Variants in ACTR3C observed in about 807,000 individuals in gnomAD.
The protein encoded by ACTR3C is actin-related protein 3C.
Under a neutral mutation model 26.3 loss-of-function variants are expected in ACTR3C, and 18 were observed. The observed-to-expected ratio is 0.68, with a 90% CI of 0.47 to 1.01. ACTR3C has a LOEUF of 1.01. Among genes scored for constraint, ACTR3C ranks in the 50% least tolerant of loss-of-function variants. The pLI is 0.00. For missense variants in ACTR3C, 184 were observed against 250.7 expected (o/e 0.73, Z 1.80); for synonymous variants, 55 against 94.5 (o/e 0.58, Z 2.42).
chr7:150,315,925 C>T (rs947588668), intron 1 of ACTR3C, among the ~76,000 whole-genome samples: 1 of 152,072 alleles, frequency 6.6e-6, no homozygotes, highest in African/African-American at 2.4e-5. Context: ...AGGCCGGCCG[C>T]GGTGGCTCAC....
chr7:150,033,260 G>A, the ACTR3C span, among the ~76,000 whole-genome samples: 138 of 147,996 alleles, frequency 9.3e-4, no homozygotes, highest in East Asian at 0.022. Flanking sequence ...GGTTGCAAAA[G>A]CTCCTGGACC....
intron 6 of ACTR3C, among the ~76,000 whole-genome samples, chr7:150,269,419 CA>C (rs1834284003): frequency 6.7e-6 from 1 of 149,008 alleles, no homozygotes; most frequent in African/African-American, 2.5e-5. Context: ...CAAACCCCCC[CA>C]CCCGTGGGCT....
the ACTR3C span, among the ~76,000 whole-genome samples, chr7:150,062,587 T>C: frequency 0.021 from 3,143 of 150,750 alleles, 93 homozygotes; most frequent in African/African-American, 0.072. Flanking sequence ...GTGTTTCTAT[T>C]ATATGTAAGA....
At chr7:150,252,035 A>C (rs908331640) in intron 6 of ACTR3C, among the ~76,000 whole-genome samples, 5 of 152,144 alleles carry the variant, frequency 3.3e-5, no homozygotes, top group Non-Finnish European at 7.4e-5. Context: ...AATAATGAGA[A>C]TTGACACCAC....
chr7:150,292,625 C>T (rs1232027683), intron 3 of ACTR3C, among the ~76,000 whole-genome samples: 1 of 152,004 alleles, frequency 6.6e-6, no homozygotes, highest in Non-Finnish European at 1.5e-5. Context: ...CTCAGCCTCC[C>T]AGGTAGCTGG....
chr7:150,060,510 T>G, the ACTR3C span, among the ~76,000 whole-genome samples: 1 of 152,184 alleles, frequency 6.6e-6, no homozygotes, highest in Non-Finnish European at 1.5e-5. Context: ...AACTGGTAGA[T>G]CCTCTCCACT....
the ACTR3C span, among the ~76,000 whole-genome samples, chr7:150,215,184 A>G: frequency 6.6e-6 from 1 of 152,118 alleles, no homozygotes; most frequent in Non-Finnish European, 1.5e-5. Context: ...TCCACAAAGT[A>G]TAATACCTAG....
the ACTR3C span, among the ~76,000 whole-genome samples, chr7:149,928,177 T>C: frequency 6.6e-6 from 1 of 151,048 alleles, no homozygotes; most frequent in South Asian, 2.1e-4. Context: ...TACAAAAAGA[T>C]ATCCTTGCTT....
intron 6 of ACTR3C, among the ~76,000 whole-genome samples, chr7:150,271,271 G>A (rs1189339702): frequency 1.4e-5 from 2 of 146,020 alleles, no homozygotes; most frequent in Admixed American, 1.3e-4. Context: ...CACGTGCCAC[G>A]GTGGTTTGCT....
At chr7:150,136,366 T>C in the ACTR3C span, among the ~76,000 whole-genome samples, 1 of 152,118 alleles carries the variant, frequency 6.6e-6, no homozygotes, top group East Asian at 1.9e-4. Flanking sequence ...AGGTGAACTT[T>C]TGTTTGAAGA....
At chr7:149,937,167 T>C in the ACTR3C span, among the ~76,000 whole-genome samples, 352 of 118,050 alleles carry the variant, frequency 3.0e-3, 2 homozygotes, top group Middle Eastern at 3.8e-3. Flanking sequence ...GAATAACCTG[T>C]AGAGAAGGAC....
At chr7:150,039,396 G>A in the ACTR3C span, among the ~76,000 whole-genome samples, 2,789 of 46,774 alleles carry the variant, frequency 0.06, 68 homozygotes, top group East Asian at 0.14. Context: ...GAACCCGGGG[G>A]GGAAGAGGGA....
chr7:150,285,049 A>T (rs1224605132), intron 5 of ACTR3C, among the ~76,000 whole-genome samples: 1 of 152,206 alleles, frequency 6.6e-6, no homozygotes, highest in Non-Finnish European at 1.5e-5. Flanking sequence ...CATGAGGTAA[A>T]ATGTATGGAT....
At chr7:150,239,528 C>CTATA (rs1408467268), downstream of ACTR3C, among the ~76,000 whole-genome samples, 1 of 122,132 alleles carries the variant, frequency 8.2e-6, no homozygotes, top group Non-Finnish European at 1.6e-5. Context: ...CTCTCTCTCT[C>CTATA]TCTCTCTCTC....
At chr7:150,084,690 C>A in the ACTR3C span, among the ~76,000 whole-genome samples, 4 of 152,148 alleles carry the variant, frequency 2.6e-5, no homozygotes, top group Non-Finnish European at 5.9e-5. Flanking sequence ...GGCCGAGGAA[C>A]AGGGCGTGCA....
At chr7:150,119,948 C>G in the ACTR3C span, among the ~76,000 whole-genome samples, 1 of 152,186 alleles carries the variant, frequency 6.6e-6, no homozygotes, top group Non-Finnish European at 1.5e-5. Flanking sequence ...AACTGCACAA[C>G]TACATGGAAA....
the ACTR3C span, among the ~76,000 whole-genome samples, chr7:150,120,768 G>C: frequency 6.6e-6 from 1 of 152,092 alleles, no homozygotes; most frequent in Non-Finnish European, 1.5e-5. Flanking sequence ...CCAAAACCTG[G>C]CAGAGACACA....
chr7:149,920,221 G>T, the ACTR3C span, among the ~76,000 whole-genome samples: 2 of 151,956 alleles, frequency 1.3e-5, no homozygotes, highest in East Asian at 3.9e-4. Context: ...CTGAGCTTTT[G>T]CCCATTTGCA....
chr7:149,992,349 C>T, the ACTR3C span, among the ~76,000 whole-genome samples: 8 of 152,220 alleles, frequency 5.3e-5, no homozygotes, highest in Admixed American at 1.3e-4. Flanking sequence ...TACTAAAGCA[C>T]GTTCCACCAT....
Sources: allele counts gnomAD v4.1 joint callset (sites outside exome capture counted in the v4.1 genomes callset), GRCh38; gene constraint gnomAD v4.1.1; transcripts MANE v1.5; gene names NCBI Gene and HGNC (gene_info 2026-07-23, HGNC 2026-07-21).